The following TMEM40 variants were observed in gnomAD, a reference collection of about 807,000 sequenced individuals.
The protein encoded by TMEM40 is transmembrane protein 40.
Under a neutral mutation model 40.8 loss-of-function variants are expected in TMEM40, and 34 were observed. The observed-to-expected ratio is 0.83, with a 90% CI of 0.63 to 1.11. The LOEUF (loss-of-function observed/expected upper bound fraction) is 1.11. Among genes scored for constraint, TMEM40 ranks in the 50% least tolerant of loss-of-function variants. The pLI is 0.00. For missense variants in TMEM40, 296 were observed against 280.2 expected, an observed-to-expected ratio of 1.06 and a Z score of -0.40; for synonymous variants, 106 against 107.0, an observed-to-expected ratio of 0.99 and a Z score of 0.06.
At chr3:12,736,927 G>A (rs1391402142) in intron 8 of TMEM40, 92 bp from the exon 9 acceptor site, 6 of 1,517,706 alleles carry the variant, frequency 4.0e-6, no homozygotes, top group Middle Eastern at 3.4e-4. Context: ...CACCCAGGGT[G>A]GAGTGCAGTT....
chr3:12,743,736 C>T (rs73812877), intron 4 of TMEM40, among the ~76,000 whole-genome samples, 164 bp downstream of exon 4: 8,497 of 152,206 alleles, frequency 0.056, 597 homozygotes, highest in African/African-American at 0.16. Flanking sequence ...AGAGCTGTCA[C>T]CAGGGCAGGG....
chr3:12,759,870 C>T (rs1277109159), upstream of TMEM40, among the ~76,000 whole-genome samples: 1 of 152,148 alleles, frequency 6.6e-6, no homozygotes, highest in Non-Finnish European at 1.5e-5. Flanking sequence ...GAGGGCAGGG[C>T]CCCAGCTCAG....
At chr3:12,749,696 C>G in intron 2 of TMEM40, 64 bp downstream of exon 2, 1 of 1,481,584 alleles carries the variant, frequency 6.7e-7, no homozygotes. Flanking sequence ...TCTTCTGTCC[C>G]TTCTACTTTT....
intron 4 of TMEM40, among the ~76,000 whole-genome samples, 192 bp downstream of exon 4, chr3:12,743,708 C>G (rs1301602587): frequency 6.6e-6 from 1 of 152,112 alleles, no homozygotes; most frequent in Non-Finnish European, 1.5e-5. Flanking sequence ...TTTTTCAGTT[C>G]AGCGATAGAT....
intron 1 of TMEM40, among the ~76,000 whole-genome samples, chr3:12,765,051 T>C (rs2061587629): frequency 6.6e-6 from 1 of 152,032 alleles, no homozygotes; most frequent in Non-Finnish European, 1.5e-5. Flanking sequence ...TTTGTATTTT[T>C]AGCAGAGACA....
rs1201005244 is a variant in TMEM40, at chr3:12,759,213, G to C, written c.-31C>G. 1 of 152,456 alleles carries C rather than the reference G, an allele frequency of 6.6e-6. No individual in the cohort carries two copies. Among genetic ancestry groups the C allele is most frequent in the African/African-American group, 2.4e-5 (1 of 41,446 alleles). The allele number at this position is 152,456 out of a possible 1,614,324, so 9.4% of individuals were successfully genotyped here. ...TACCTGTGGTCCTTCAGCTTGTCTGGGCAGCAAGGGGAGCTCTGTGTAGAC... is the reference window on the plus strand; with the variant it reads ...TACCTGTGGTCCTTCAGCTTGTCTGCGCAGCAAGGGGAGCTCTGTGTAGAC... On this transcript the variant is annotated 5_prime_UTR_variant, in exon 1 of 12. Transcript: ENST00000314124.
At chr3:12,757,848 C>T (rs2061540681) in intron 1 of TMEM40, among the ~76,000 whole-genome samples, 2 of 152,070 alleles carry the variant, frequency 1.3e-5, no homozygotes, top group Admixed American at 6.6e-5. Context: ...ATTACAGGTG[C>T]GCATCACCAT....
chr3:12,753,277 G>A (rs1251391426), intron 1 of TMEM40, among the ~76,000 whole-genome samples: 1 of 138,898 alleles, frequency 7.2e-6, no homozygotes, highest in African/African-American at 2.7e-5. Flanking sequence ...GGAGTGCAGT[G>A]GCACGATCAC....
intron 5 of TMEM40, among the ~76,000 whole-genome samples, chr3:12,740,956 C>G (rs2061377781): frequency 6.6e-6 from 1 of 152,188 alleles, no homozygotes; most frequent in Non-Finnish European, 1.5e-5. Context: ...ATGGGCCACC[C>G]ATTTGCACAT....
chr3:12,758,395 C>T (rs2061544761), intron 1 of TMEM40, among the ~76,000 whole-genome samples: 1 of 152,208 alleles, frequency 6.6e-6, no homozygotes, highest in African/African-American at 2.4e-5. Flanking sequence ...TAATCATTCT[C>T]ATTCCCCTTA....
intron 11 of TMEM40, among the ~76,000 whole-genome samples, chr3:12,735,011 C>T (rs1013492772): frequency 1.3e-5 from 2 of 152,214 alleles, no homozygotes; most frequent in Non-Finnish European, 2.9e-5. Context: ...AGCCACACAG[C>T]CACTTGGCCT....
chr3:12,755,160 CTT>C (rs1288492543), intron 1 of TMEM40, among the ~76,000 whole-genome samples: 1 of 140,992 alleles, frequency 7.1e-6, no homozygotes, highest in African/African-American at 2.8e-5. Flanking sequence ...CTTTCTTTCT[CTT>C]TCTTTCTTTC....
intron 1 of TMEM40, among the ~76,000 whole-genome samples, chr3:12,768,599 A>T (rs577137047): frequency 2.5e-5 from 3 of 119,370 alleles, no homozygotes; most frequent in African/African-American, 9.9e-5. Context: ...TGAGCTAGAC[A>T]CAGGGTGCTG....
chr3:12,761,575 C>T (rs901404165), upstream of TMEM40, among the ~76,000 whole-genome samples: 1 of 149,318 alleles, frequency 6.7e-6, no homozygotes, highest in African/African-American at 2.5e-5. Flanking sequence ...CACTGCACTC[C>T]AACCATGGCA....
chr3:12,738,433 G>T, intron 6 of TMEM40, 120 bp downstream of exon 6: 1 of 1,192,892 alleles, frequency 8.4e-7, no homozygotes, highest in Non-Finnish European at 1.2e-6. Flanking sequence ...GTGGACCTGG[G>T]GCTCCTGTTT....
intron 3 of TMEM40, among the ~76,000 whole-genome samples, chr3:12,744,273 G>T (rs749161715): frequency 1.3e-5 from 2 of 152,126 alleles, no homozygotes; most frequent in African/African-American, 2.4e-5. Flanking sequence ...GTCCCATGAG[G>T]CATCATAGTA....
rs773988101 is a variant in TMEM40, at chr3:12,743,970, C to T, written c.231G>A (p.Gln77=). 6.2e-7 allele frequency: 1 copy of T among 1,613,064 alleles called. No homozygotes were observed. Among genetic ancestry groups the T allele is most frequent in the South Asian group, 1.1e-5 (1 of 90,586 alleles). ...SSSSESNDED[Q]QPRATGKHRR... is the part of the protein sequence containing the mutation. ...GATGTTTTCCGGTTGCTCTGGGTTG[C>T]TGGTCCTCATCATTGCTCTCTGCGG... Residue 77 remains glutamine (Q), a synonymous_variant, in exon 4 of 12, where the codon CAG becomes CAA. Transcript: ENST00000314124.
At chr3:12,741,832 C>T (rs975605497) in intron 5 of TMEM40, among the ~76,000 whole-genome samples, 5 of 151,882 alleles carry the variant, frequency 3.3e-5, no homozygotes, top group Admixed American at 1.3e-4. Flanking sequence ...CAGTGGCTCA[C>T]GCCTGTAATT....
Position 12,742,411 on chromosome 3 carries a change from T to G in TMEM40, c.355+43A>C, listed in dbSNP as rs201919203. 1.9e-6 allele frequency: 3 copies of G among 1,601,822 alleles called. No individual in the cohort carries two copies. The East Asian group carries it at 6.7e-5, about 36-fold the overall frequency. On this transcript the variant is annotated intron_variant, in intron 5 of 11. Coordinates refer to ENST00000314124, the MANE Select transcript of TMEM40 (RefSeq NM_018306.4). Reference sequence around the variant, plus strand: ...TCTGCCCAGCAAAGCCCTCTTTTCCTTCGTCTAATTGTTTTCTCCAAAGCT... The same window carrying G: ...TCTGCCCAGCAAAGCCCTCTTTTCCGTCGTCTAATTGTTTTCTCCAAAGCT...
Sources: gnomAD v4.1 joint callset for allele counts (sites outside exome capture counted in the v4.1 genomes callset) on GRCh38, gnomAD v4.1.1 for gene constraint, MANE v1.5 for transcripts, NCBI Gene and HGNC (gene_info 2026-07-23, HGNC 2026-07-21) for gene names.